Variants in PLCE1 observed in about 807,000 individuals in gnomAD.
The protein encoded by PLCE1 is phospholipase C epsilon 1.
A neutral mutation model predicts 242.8 loss-of-function variants in PLCE1; 119 were observed. That is an observed-to-expected ratio of 0.49 (90% CI 0.42 to 0.57). PLCE1 has a LOEUF of 0.57. PLCE1 is among the 20% of genes least tolerant of loss of function. The pLI is 0.00. For synonymous variants in PLCE1, 945 were observed against 1,017.4 expected (o/e 0.93, Z 1.35); for missense variants, 2,441 against 2,788.8 (o/e 0.88, Z 2.81).
intron 4 of PLCE1, among the ~76,000 whole-genome samples, chr10:94,173,299 C>T (rs1348265527): frequency 1.3e-5 from 2 of 152,128 alleles, no homozygotes; most frequent in Non-Finnish European, 2.9e-5. Flanking sequence ...CACCCCCAAA[C>T]TGAGTAAGAC....
intron 2 of PLCE1, among the ~76,000 whole-genome samples, chr10:94,117,530 C>T (rs759122803): frequency 8.5e-5 from 13 of 152,244 alleles, no homozygotes; most frequent in Admixed American, 2.6e-4. Flanking sequence ...CTGGTAATGT[C>T]CATTATATGC....
chr10:94,276,925 C>T (rs1056089050), intron 19 of PLCE1, among the ~76,000 whole-genome samples: 1 of 152,146 alleles, frequency 6.6e-6, no homozygotes, highest in Non-Finnish European at 1.5e-5. Flanking sequence ...AGCAATGATT[C>T]CACAGTCACA....
intron 23 of PLCE1, among the ~76,000 whole-genome samples, chr10:94,296,868 ATTTC>A (rs1021530817): frequency 2.0e-5 from 3 of 150,404 alleles, no homozygotes; most frequent in African/African-American, 4.9e-5. Flanking sequence ...CTAGCTTTTT[ATTTC>A]TTTCTTTCTT....
intron 24 of PLCE1, among the ~76,000 whole-genome samples, chr10:94,304,027 T>C (rs1385192084): frequency 1.3e-5 from 2 of 152,162 alleles, no homozygotes; most frequent in Non-Finnish European, 2.9e-5. Flanking sequence ...AGAAAAAGTA[T>C]GCAGAAGGAT....
intron 3 of PLCE1, among the ~76,000 whole-genome samples, chr10:94,148,287 G>A (rs1313719528): frequency 6.6e-6 from 1 of 152,146 alleles, no homozygotes; most frequent in East Asian, 1.9e-4. Flanking sequence ...CTCAGGATGG[G>A]GGCTGGAGGG....
At chr10:94,181,006 T>G (rs948877937) in intron 4 of PLCE1, among the ~76,000 whole-genome samples, 2 of 152,196 alleles carry the variant, frequency 1.3e-5, no homozygotes, top group African/African-American at 4.8e-5. Flanking sequence ...GCTTTGAAAT[T>G]CAAAATCTTA....
At chr10:94,112,463 C>A (rs570560337) in intron 2 of PLCE1, among the ~76,000 whole-genome samples, 2 of 152,132 alleles carry the variant, frequency 1.3e-5, no homozygotes, top group African/African-American at 4.8e-5. Flanking sequence ...AGGTTCATTT[C>A]CCTGAAGACA....
At chr10:94,080,633 A>G (rs1396327544) in intron 2 of PLCE1, among the ~76,000 whole-genome samples, 1 of 152,106 alleles carries the variant, frequency 6.6e-6, no homozygotes, top group Non-Finnish European at 1.5e-5. Flanking sequence ...CACATCATTC[A>G]CCTGTCCTTT....
chr10:94,176,939 A>AG (rs2048145499), intron 4 of PLCE1, among the ~76,000 whole-genome samples: 1 of 152,092 alleles, frequency 6.6e-6, no homozygotes, highest in African/African-American at 2.4e-5. Flanking sequence ...GGAGGAATAG[A>AG]GGGGGAAGTT....
chr10:94,160,651 T>C (rs1235839152), intron 3 of PLCE1, among the ~76,000 whole-genome samples: 1 of 152,244 alleles, frequency 6.6e-6, no homozygotes, highest in Non-Finnish European at 1.5e-5. Flanking sequence ...ATTTTGTCTT[T>C]TATTGCCATT....
intron 23 of PLCE1, among the ~76,000 whole-genome samples, chr10:94,293,923 A>G (rs566890336): frequency 1.3e-5 from 2 of 152,272 alleles, no homozygotes; most frequent in East Asian, 3.9e-4. Flanking sequence ...TCTGGCTAAC[A>G]TGATGAAACG....
intron 29 of PLCE1, among the ~76,000 whole-genome samples, chr10:94,320,161 G>A (rs1011388153): frequency 6.6e-6 from 1 of 151,860 alleles, no homozygotes; most frequent in African/African-American, 2.4e-5. Context: ...AATATATGAT[G>A]ATCAGTGCAA....
chr10:94,274,237 A>T (rs1185193271), intron 19 of PLCE1, among the ~76,000 whole-genome samples: 1 of 152,176 alleles, frequency 6.6e-6, no homozygotes, highest in Non-Finnish European at 1.5e-5. Context: ...TCTGTGAAAA[A>T]GTTCAGGTAC....
chr10:94,067,917 A>G (rs893383261), intron 2 of PLCE1, among the ~76,000 whole-genome samples: 15 of 152,100 alleles, frequency 9.9e-5, no homozygotes, highest in African/African-American at 3.6e-4. Context: ...GGTCTTGGGG[A>G]AGGGGAACAT....
chr10:94,197,570 A>T (rs931438518), intron 4 of PLCE1, among the ~76,000 whole-genome samples: 5 of 152,184 alleles, frequency 3.3e-5, no homozygotes, highest in African/African-American at 1.2e-4. Context: ...ATTTTCCTAA[A>T]TAGCTAATGA....
At chr10:94,158,670 G>C (rs1282044309) in intron 3 of PLCE1, among the ~76,000 whole-genome samples, 1 of 151,880 alleles carries the variant, frequency 6.6e-6, no homozygotes, top group East Asian at 1.9e-4. Flanking sequence ...TCAAAGAATA[G>C]CTTCAGAGTC....
At position 94,246,082 on chromosome 10, in the gene PLCE1, A is replaced by T. The variant is rs200483837; in HGVS notation, c.2557A>T (p.Ile853Phe). 15 of 1,614,136 alleles carry T rather than the reference A, an allele frequency of 9.3e-6. No homozygotes were observed. The East Asian group carries it at 3.3e-4, about 36-fold the overall frequency. Residue 853 changes from isoleucine (I) to phenylalanine (F), a missense_variant, in exon 8 of 33, where the codon ATC becomes TTC. Coordinates refer to ENST00000371380, the MANE Select transcript of PLCE1 (RefSeq NM_016341.4). ...TELIPWYVLS[I>F]QADVHQFLLQ... ...GCTCATCCCTTGGTACGTGCTGTCC[A>T]TCCAAGCCGATGTGCACCAGTTCCT...
intron 22 of PLCE1, among the ~76,000 whole-genome samples, chr10:94,293,122 C>T (rs2052696031): frequency 6.6e-6 from 1 of 152,200 alleles, no homozygotes; most frequent in Admixed American, 6.5e-5. Flanking sequence ...AACCTAGACA[C>T]TATGACACTA....
intron 1 of PLCE1, among the ~76,000 whole-genome samples, chr10:94,006,026 T>C (rs1042347735): frequency 6.6e-6 from 1 of 152,234 alleles, no homozygotes; most frequent in Non-Finnish European, 1.5e-5. Context: ...TTCTGCCTTC[T>C]AAATATCTCT....
Sources: allele counts gnomAD v4.1 joint callset (sites outside exome capture counted in the v4.1 genomes callset), GRCh38; gene constraint gnomAD v4.1.1; transcripts MANE v1.5; gene names NCBI Gene and HGNC (gene_info 2026-07-23, HGNC 2026-07-21).